The following ANXA7 variants were observed in gnomAD, a reference collection of about 807,000 sequenced individuals.
The protein encoded by ANXA7 is annexin VII.
Under a neutral mutation model 64.9 loss-of-function variants are expected in ANXA7, and 55 were observed. That is an observed-to-expected ratio of 0.85 (90% CI 0.68 to 1.06). The LOEUF (loss-of-function observed/expected upper bound fraction) is 1.06, where lower values mean the gene tolerates loss of function less well. ANXA7 is among the 50% of genes least tolerant of loss of function. The probability of loss-of-function intolerance (pLI) is 0.00; values close to 1 mark genes in which losing one functional copy is unlikely to be tolerated. For missense variants in ANXA7, 548 were observed against 582.1 expected (o/e 0.94, Z 0.60); for synonymous variants, 200 against 192.4 (o/e 1.04, Z -0.33).
intron 12 of ANXA7, among the ~76,000 whole-genome samples, chr10:73,376,823 TACTC>T (rs2055178490): frequency 6.6e-6 from 1 of 152,156 alleles, no homozygotes; most frequent in South Asian, 2.1e-4. Context: ...ACTATTTAAT[TACTC>T]AGTCTCAAAA....
chr10:73,377,747 G>A (rs186817518), intron 12 of ANXA7, among the ~76,000 whole-genome samples: 8 of 150,622 alleles, frequency 5.3e-5, no homozygotes, highest in African/African-American at 2.0e-4. Context: ...GGGTAGCTGG[G>A]ACTACCATGC....
chr10:73,387,475 A>G (rs1388238465), intron 7 of ANXA7, among the ~76,000 whole-genome samples: 2 of 152,170 alleles, frequency 1.3e-5, no homozygotes, highest in African/African-American at 4.8e-5. Context: ...AGATCGCACC[A>G]TTGCACTCCA....
chr10:73,412,605 T>C (rs1419152687), intron 1 of ANXA7, among the ~76,000 whole-genome samples: 1 of 150,612 alleles, frequency 6.6e-6, no homozygotes, highest in Admixed American at 6.6e-5. Context: ...GCGACTCTCC[T>C]GCCTCAGCCT....
At chr10:73,393,603 T>C (rs2055521449) in intron 5 of ANXA7, among the ~76,000 whole-genome samples, 1 of 152,108 alleles carries the variant, frequency 6.6e-6, no homozygotes, top group Non-Finnish European at 1.5e-5. Flanking sequence ...AAACAAGAAA[T>C]GGGGAAAGGA....
chr10:73,405,306 C>G (rs895385070), intron 1 of ANXA7, among the ~76,000 whole-genome samples: 4 of 150,072 alleles, frequency 2.7e-5, no homozygotes, highest in African/African-American at 9.8e-5. Flanking sequence ...CTTTGGGAGG[C>G]TGAGGTGGGC....
chr10:73,408,308 G>C (rs947282407), intron 1 of ANXA7: 4 of 130,224 alleles, frequency 3.1e-5, no homozygotes, highest in African/African-American at 1.1e-4. Context: ...GAAAAGACAA[G>C]ACAAGACAAG....
intron 5 of ANXA7, among the ~76,000 whole-genome samples, chr10:73,391,449 C>T (rs987781577): frequency 2.0e-5 from 3 of 151,552 alleles, no homozygotes; most frequent in Non-Finnish European, 2.9e-5. Context: ...TCATCTTTAC[C>T]AAAAATTAAA....
chr10:73,381,353 G>C (rs1229661870), intron 9 of ANXA7: 1 of 152,222 alleles, frequency 6.6e-6, no homozygotes, highest in African/African-American at 2.4e-5. Flanking sequence ...TAGGAAGAAA[G>C]GAAGGAGGAA....
At chr10:73,388,445 G>T in intron 5 of ANXA7, 31 bp from the exon 6 acceptor site, 1 of 1,525,242 alleles carries the variant, frequency 6.6e-7, no homozygotes, top group Non-Finnish European at 9.1e-7. Flanking sequence ...ATCCGTGTCA[G>T]CATTTCCAGT....
intron 9 of ANXA7, among the ~76,000 whole-genome samples, chr10:73,381,930 G>A (rs1465570690): frequency 6.6e-6 from 1 of 150,754 alleles, no homozygotes; most frequent in Admixed American, 6.6e-5. Context: ...CCAGGCTGGA[G>A]TGCAATGGCA....
chr10:73,383,680 T>C lies in ANXA7; in HGVS notation c.644A>G (p.Lys215Arg). 1 of 1,604,300 alleles carries C rather than the reference T, an allele frequency of 6.2e-7. No individual in the cohort carries two copies. The highest frequency in any genetic ancestry group is 1.1e-5 in the South Asian group (1 of 90,702). Reference sequence around the variant, plus strand: ...TCCACTTAACTCTGATTTGAGATCTTTGATTAAATCCTATTTAATCACAAA... The same window carrying C: ...TCCACTTAACTCTGATTTGAGATCTCTGATTAAATCCTATTTAATCACAAA... ...FKTSYGKDLI[K>R]DLKSELSGNM... is the part of the protein sequence containing the mutation. Residue 215 changes from lysine to arginine, a missense_variant, in exon 8 of 13, where the codon AAA (lysine) becomes AGA (arginine). Transcript: ENST00000372921.
At chr10:73,385,334 A>G (rs1405038377) in intron 7 of ANXA7, among the ~76,000 whole-genome samples, 1 of 152,248 alleles carries the variant, frequency 6.6e-6, no homozygotes, top group East Asian at 1.9e-4. Context: ...AAGAAGCTAT[A>G]GATGAAAACA....
intron 5 of ANXA7, among the ~76,000 whole-genome samples, chr10:73,389,999 A>T (rs1440933256): frequency 6.6e-6 from 1 of 152,190 alleles, no homozygotes; most frequent in African/African-American, 2.4e-5. Flanking sequence ...ACTACTTTTT[A>T]AAAAAATTTT....
At chr10:73,407,842 T>A (rs2055782606) in intron 1 of ANXA7, among the ~76,000 whole-genome samples, 1 of 152,194 alleles carries the variant, frequency 6.6e-6, no homozygotes, top group African/African-American at 2.4e-5. Context: ...ATAGATTGAA[T>A]CAAGGCTATA....
intron 11 of ANXA7, among the ~76,000 whole-genome samples, chr10:73,379,285 T>C (rs962611089): frequency 1.2e-4 from 19 of 152,196 alleles, no homozygotes; most frequent in Admixed American, 1.2e-3. Flanking sequence ...CACCTCAGCC[T>C]TCTGAGTAGC....
rs773143177 is a variant in ANXA7 at position 73,388,401 on chromosome 10, G to C, written c.449C>G (p.Thr150Ser). Residue 150 changes from threonine to serine, a missense_variant, in exon 6 of 13, where the codon ACT becomes AGT. Transcript: ENST00000372921. ...PTYPSQPATV[T>S]QVTQGTIRPA... ...TCGGATAGTTCCTTGAGTGACCTGA[G>C]TCACTGTGGCAGGCTGAAAATAAAA... 1.2e-6 allele frequency: 2 copies of C among 1,612,988 alleles called. No individual in the cohort carries two copies. The highest frequency in any genetic ancestry group is 1.7e-6 in the Non-Finnish European group (2 of 1,179,240).
chr10:73,397,322 G>T, intron 3 of ANXA7, 48 bp from the exon 4 acceptor site: 1 of 1,222,398 alleles, frequency 8.2e-7, no homozygotes, highest in Non-Finnish European at 1.2e-6. Flanking sequence ...TCTCATGATT[G>T]CAGAAAAAAC....
chr10:73,376,486 G>A (rs1399873116), intron 12 of ANXA7, among the ~76,000 whole-genome samples: 1 of 152,122 alleles, frequency 6.6e-6, no homozygotes, highest in Non-Finnish European at 1.5e-5. Context: ...TTGATAGGAT[G>A]GCTATTATCA....
At chr10:73,385,429 A>G (rs779677753) in intron 7 of ANXA7, among the ~76,000 whole-genome samples, 16 of 152,214 alleles carry the variant, frequency 1.1e-4, no homozygotes, top group Non-Finnish European at 2.1e-4. Context: ...AACAAAGTAG[A>G]CAAAAGAAAC....
Sources: gnomAD v4.1 joint callset for allele counts (sites outside exome capture counted in the v4.1 genomes callset) on GRCh38, gnomAD v4.1.1 for gene constraint, MANE v1.5 for transcripts, NCBI Gene and HGNC (gene_info 2026-07-23, HGNC 2026-07-21) for gene names.